The following SLCO1B1 variants were observed in gnomAD, a reference collection of about 807,000 sequenced individuals.
The protein encoded by SLCO1B1 is solute carrier organic anion transporter family member 1B1, also known as OATP-2.
In SLCO1B1, 81 loss-of-function variants were observed where a neutral mutation model predicts 70.1. The ratio of observed to expected loss-of-function variants is 1.16; its 90% confidence interval spans 0.97 to 1.39. The LOEUF (loss-of-function observed/expected upper bound fraction) is 1.39. Ranked by LOEUF, SLCO1B1 falls within the 40% of genes most tolerant of loss-of-function variation. The probability of loss-of-function intolerance (pLI) is 0.00; values close to 1 mark genes in which losing one functional copy is unlikely to be tolerated. For synonymous variants in SLCO1B1, 283 were observed against 271.5 expected, an observed-to-expected ratio of 1.04 and a Z score of -0.42; for missense variants, 895 against 799.6, an observed-to-expected ratio of 1.12 and a Z score of -1.44.
chr12:21,174,291 T>G (rs1299865549), intron 3 of SLCO1B1, among the ~76,000 whole-genome samples: 1 of 152,170 alleles, frequency 6.6e-6, no homozygotes, highest in Non-Finnish European at 1.5e-5. Flanking sequence ...TCAGGAAGAT[T>G]CATCTCCATT....
intron 8 of SLCO1B1, among the ~76,000 whole-genome samples, chr12:21,198,700 T>C (rs1296366168): frequency 6.6e-6 from 1 of 152,162 alleles, no homozygotes; most frequent in East Asian, 1.9e-4. Flanking sequence ...CTAAAACTGA[T>C]TAGAATGAAA....
Position 21,172,792 on chromosome 12 carries a change from G to A in SLCO1B1, c.226+1G>A, listed in dbSNP as rs564217518. 63 of 1,611,714 alleles carry A rather than the reference G, an allele frequency of 3.9e-5. No homozygotes were observed. The South Asian group carries it at 6.8e-4, about 17-fold the overall frequency. ...TTTATTGACGGAAGCTTTGAAATTG[G>A]TAACATTTATTTTCTATTTTAATAA... On this transcript the variant is annotated splice_donor_variant, in intron 3 of 14. Coordinates refer to ENST00000256958, the MANE Select transcript of SLCO1B1 (RefSeq NM_006446.5). LOFTEE classifies it high-confidence loss of function.
At chr12:21,230,816 C>T (rs1941527935) in intron 14 of SLCO1B1, among the ~76,000 whole-genome samples, 1 of 151,948 alleles carries the variant, frequency 6.6e-6, no homozygotes, top group South Asian at 2.1e-4. Flanking sequence ...TAATTTGATG[C>T]TTTCTTTTTT....
chr12:21,237,174 C>T (rs1332393224), intron 14 of SLCO1B1, among the ~76,000 whole-genome samples: 1 of 152,050 alleles, frequency 6.6e-6, no homozygotes, highest in Non-Finnish European at 1.5e-5. Flanking sequence ...TTTTATATGA[C>T]TATATAATCA....
chr12:21,149,645 T>C (rs1331749978), intron 2 of SLCO1B1, among the ~76,000 whole-genome samples: 1 of 152,140 alleles, frequency 6.6e-6, no homozygotes, highest in African/African-American at 2.4e-5. Flanking sequence ...CGAGGGACTG[T>C]GCCCTGAGGA....
Position 21,141,612 on chromosome 12 carries a change from C to T in SLCO1B1, c.38C>T (p.Ala13Val). 3 of 1,608,814 alleles carry T rather than the reference C, an allele frequency of 1.9e-6. No individual in the cohort carries two copies. Among genetic ancestry groups the T allele is most frequent in the Non-Finnish European group, 2.6e-6 (3 of 1,176,220 alleles). ...QNQHLNKTAE[A>V]QPSENKKTRY... ...CAACATTTGAATAAAACAGCAGAGG[C>T]ACAACCTTCAGAGAATAAGAAAACA... The change falls in exon 2 of 15, where the codon GCA becomes GTA. Residue 13 changes from alanine to valine, a missense_variant. Coordinates refer to ENST00000256958, the MANE Select transcript of SLCO1B1 (RefSeq NM_006446.5).
rs553033598 is a variant in SLCO1B1, at chr12:21,222,037, A to G, written c.1683-263A>G. The stretch of plus-strand genomic sequence containing the variant: ...TAAAGTCTGTTCTAACCACTTCCTC[A>G]TAGGATTTTCATAAGTACCATATGA... On this transcript the variant is annotated intron_variant, in intron 12 of 14. Coordinates refer to ENST00000256958, the MANE Select transcript of SLCO1B1 (RefSeq NM_006446.5). Among the ~76,000 whole-genome samples, 5 of 152,200 alleles carry G rather than the reference A, an allele frequency of 3.3e-5. No individual in the cohort carries two copies. In the East Asian group the frequency reaches 7.7e-4, roughly 24 times the overall value.
intron 2 of SLCO1B1, among the ~76,000 whole-genome samples, chr12:21,168,971 C>CTTTTAT (rs146691444): frequency 0.1 from 15,313 of 151,848 alleles, 1,226 homozygotes; most frequent in South Asian, 0.28. Flanking sequence ...TGAAGCTTTT[C>CTTTTAT]TTTTATTTTT....
intron 14 of SLCO1B1, among the ~76,000 whole-genome samples, chr12:21,228,669 G>A (rs954238910): frequency 6.6e-6 from 1 of 152,150 alleles, no homozygotes; most frequent in Non-Finnish European, 1.5e-5. Context: ...GTTTGAAGAT[G>A]GAAGAAAGGG....
At chr12:21,145,530 G>A (rs1413263002) in intron 2 of SLCO1B1, among the ~76,000 whole-genome samples, 1 of 127,380 alleles carries the variant, frequency 7.9e-6, no homozygotes, top group Non-Finnish European at 1.6e-5. Flanking sequence ...TTGTTGCCAG[G>A]CTGGTCTTAA....
intron 1 of SLCO1B1, among the ~76,000 whole-genome samples, chr12:21,138,888 A>G (rs1471807527): frequency 6.6e-6 from 1 of 152,148 alleles, no homozygotes; most frequent in African/African-American, 2.4e-5. Flanking sequence ...AATGGTTCTA[A>G]AAACAGGGGC....
chr12:21,202,541 A>C lies in SLCO1B1; in HGVS notation c.1186A>C (p.Ile396Leu), dbSNP rs200621156. 5.6e-6 allele frequency: 9 copies of C among 1,612,178 alleles called. No individual in the cohort carries two copies. The East Asian group carries it at 2.0e-4, about 36-fold the overall frequency. ...FASGMFLGGY[I>L]IKKFKLNTVG... ...AAGTGGAATGTTTTTAGGAGGATAT[A>C]TCATTAAAAAATTCAAACTGAACAC... Residue 396 changes from isoleucine to leucine, a missense_variant, in exon 10 of 15, where the codon ATC becomes CTC. Coordinates refer to ENST00000256958, the MANE Select transcript of SLCO1B1 (RefSeq NM_006446.5).
chr12:21,231,999 T>A (rs142957626), intron 14 of SLCO1B1, among the ~76,000 whole-genome samples: 27 of 152,260 alleles, frequency 1.8e-4, no homozygotes, highest in Middle Eastern at 3.4e-3. Flanking sequence ...CATGAGTGTA[T>A]GAGGTATTTT....
chr12:21,152,704 G>C (rs143430404), intron 2 of SLCO1B1, among the ~76,000 whole-genome samples: 1 of 151,496 alleles, frequency 6.6e-6, no homozygotes, highest in Non-Finnish European at 1.5e-5. Context: ...CTTTCCCTTC[G>C]GTCAGTTAGG....
At chr12:21,152,923 G>A (rs1940493299) in intron 2 of SLCO1B1, among the ~76,000 whole-genome samples, 1 of 152,162 alleles carries the variant, frequency 6.6e-6, no homozygotes, top group African/African-American at 2.4e-5. Context: ...AAATGTGGAG[G>A]TCACCGACTG....
intron 2 of SLCO1B1, among the ~76,000 whole-genome samples, chr12:21,161,741 C>G (rs985155026): frequency 3.3e-5 from 5 of 152,032 alleles, no homozygotes; most frequent in Non-Finnish European, 7.4e-5. Context: ...AGATTTTAGA[C>G]TCACACTTAT....
chr12:21,164,134 TG>T (rs1940657472), intron 2 of SLCO1B1, among the ~76,000 whole-genome samples: 1 of 152,150 alleles, frequency 6.6e-6, no homozygotes, highest in Admixed American at 6.6e-5. Context: ...TAAATTAATA[TG>T]GATGAATTGT....
rs982151517 is a variant in SLCO1B1, at chr12:21,166,873, A to G, written c.85-5777A>G. Reference sequence around the variant, plus strand: ...TATAGCAGCCTTATTGATAATTGCCATAAGTTAGAAGCAACCAAGGTGTCC... The same window carrying G: ...TATAGCAGCCTTATTGATAATTGCCGTAAGTTAGAAGCAACCAAGGTGTCC... On this transcript the variant is annotated intron_variant, in intron 2 of 14. Coordinates refer to ENST00000256958, the MANE Select transcript of SLCO1B1 (RefSeq NM_006446.5). Among the ~76,000 whole-genome samples the G allele has an allele frequency of 4.6e-4, 70 of 152,202 alleles. 1 individual carries two copies. The highest frequency in any genetic ancestry group is 5.9e-4 in the Admixed American group (9 of 15,284).
chr12:21,208,980 T>G (rs1941245931), intron 11 of SLCO1B1, among the ~76,000 whole-genome samples: 1 of 152,112 alleles, frequency 6.6e-6, no homozygotes, highest in Non-Finnish European at 1.5e-5. Flanking sequence ...TTTTGTATTC[T>G]GAAACTTTAT....
Sources: allele counts gnomAD v4.1 joint callset (sites outside exome capture counted in the v4.1 genomes callset), GRCh38; gene constraint gnomAD v4.1.1; transcripts MANE v1.5; gene names NCBI Gene and HGNC (gene_info 2026-07-23, HGNC 2026-07-21).